The following OIP5 variants were observed in gnomAD, a reference collection of about 807,000 sequenced individuals.
The protein encoded by OIP5 is Opa interacting protein 5.
OIP5 carries 24 observed loss-of-function variants against 20.3 expected under a neutral mutation model. The ratio of observed to expected loss-of-function variants is 1.18; its 90% CI spans 0.86 to 1.66. OIP5 has a LOEUF of 1.66. Among genes scored for constraint, OIP5 ranks in the 40% most tolerant of loss-of-function variants. The pLI is 0.00. For missense variants in OIP5, 339 were observed against 289.5 expected (o/e 1.17, Z -1.24); for synonymous variants, 143 against 121.3 (o/e 1.18, Z -1.17).
rs1173199361 is a variant in OIP5 at position 41,323,303 on chromosome 15, G to C, written c.390-3523C>G. Among the ~76,000 whole-genome samples, 7 of 152,172 alleles carry C rather than the reference G, an allele frequency of 4.6e-5. No homozygotes were observed. In the East Asian group the frequency reaches 7.7e-4, roughly 17 times the overall value. On this transcript the variant is annotated intron_variant, in intron 2 of 4. Coordinates refer to ENST00000220514, the MANE Select transcript of OIP5 (RefSeq NM_007280.2). ...AGTTTGAGAACAGCCTGGTCAACATGGTGAAACTCCGTCTCTACTAAAAAT... is the reference window on the plus strand; with the variant it reads ...AGTTTGAGAACAGCCTGGTCAACATCGTGAAACTCCGTCTCTACTAAAAAT...
At chr15:41,310,623 C>T (rs1184049419) in intron 4 of OIP5, among the ~76,000 whole-genome samples, 3 of 144,198 alleles carry the variant, frequency 2.1e-5, no homozygotes, top group East Asian at 2.0e-4. Flanking sequence ...AGCGAGACTC[C>T]GTCTCAAAAA....
intron 2 of OIP5, among the ~76,000 whole-genome samples, chr15:41,321,239 G>T (rs533755518): frequency 6.7e-6 from 1 of 148,886 alleles, no homozygotes; most frequent in Non-Finnish European, 1.5e-5. Flanking sequence ...CGCCCCGTCC[G>T]GGAGGGAGGT....
rs1470039916 is a variant in OIP5 at position 41,319,791 on chromosome 15, G to T, written c.390-11C>A. The T allele has an allele frequency of 6.3e-7, 1 of 1,592,544 alleles. No individual in the cohort carries two copies. Among genetic ancestry groups the T allele is most frequent in the Admixed American group, 1.8e-5 (1 of 55,470 alleles). ...AAAAGGTTGTAAGTACTAGGGGTGG[G>T]GAAAAACACAATATGGGTAAGAATA... On this transcript the variant is annotated splice_polypyrimidine_tract_variant and intron_variant, in intron 2 of 4. Transcript: ENST00000220514.
At position 41,332,531 on chromosome 15, in the gene OIP5, G is replaced by C. The variant is rs374036062; in HGVS notation, c.31C>G (p.Arg11Gly). 3 of 1,611,418 alleles carry C rather than the reference G, an allele frequency of 1.9e-6. No homozygotes were observed. The highest frequency in any genetic ancestry group is 1.1e-5 in the South Asian group (1 of 90,916). ...TCCCCCCGGGGCGGCGTTGCACAAC[G>C]TGAGCGATGCCGCAGCGGCTGAGCC... is the stretch of plus-strand genomic sequence containing the variant. MAAQPLRHRS[R>G]CATPPRGDFC... The change falls in exon 1 of 5, where the codon CGT becomes GGT. Residue 11 changes from arginine (R) to glycine (G), a missense_variant. By Grantham distance (125) the Arg-to-Gly change is moderately radical. Transcript: ENST00000220514.
intron 2 of OIP5, among the ~76,000 whole-genome samples, chr15:41,331,248 C>T (rs1416081269): frequency 1.3e-5 from 2 of 152,166 alleles, no homozygotes; most frequent in Non-Finnish European, 2.9e-5. Flanking sequence ...ATAGTACAGG[C>T]AGGTCGCAAA....
Position 41,309,758 on chromosome 15 carries a change from T to C in OIP5, c.686A>G (p.Asn229Ser). The change falls in exon 5 of 5, where the codon AAC becomes AGC. Residue 229 changes from asparagine to serine, a missense_variant. Physicochemically the swap from Asn to Ser is conservative, Grantham distance 46 (BLOSUM62 1). Transcript: ENST00000220514. ...EVTPDQSKPE[N>S] Reference sequence around the variant, plus strand: ...CACTCAAGCTTTGGTACAGGATCAGTTTTCTGGCTTGGACTGGTCAGGAGT... The same window carrying C: ...CACTCAAGCTTTGGTACAGGATCAGCTTTCTGGCTTGGACTGGTCAGGAGT... The C allele has an allele frequency of 6.2e-7, 1 of 1,611,038 alleles. No homozygotes were observed. Among genetic ancestry groups the C allele is most frequent in the Non-Finnish European group, 8.5e-7 (1 of 1,177,582 alleles).
rs145267416 is a variant in OIP5, at chr15:41,332,466, A to G, written c.96T>C (p.Ser32=). 1.9e-6 allele frequency: 3 copies of G among 1,613,964 alleles called. No individual in the cohort carries two copies. In the African/African-American group the frequency reaches 4.0e-5, roughly 22 times the overall value. ...GGTERAIDQA[S]FTTSMEWDTQ... The stretch of plus-strand genomic sequence containing the variant: ...TATCCCACTCCATGGAGGTCGTAAA[A>G]GAAGCTTGGTCAATCGCCCTCTCAG... The change falls in exon 1 of 5, where the codon TCT becomes TCC. Residue 32 remains serine (S), a synonymous_variant. Transcript: ENST00000220514.
chr15:41,330,126 C>T (rs1311791973), intron 2 of OIP5, among the ~76,000 whole-genome samples: 2 of 150,566 alleles, frequency 1.3e-5, no homozygotes, highest in Non-Finnish European at 3.0e-5. Flanking sequence ...GTTTCGCTCT[C>T]GTTGCCCAGG....
chr15:41,313,171 T>C (rs1732814231), intron 4 of OIP5, 102 bp downstream of exon 4: 2 of 736,382 alleles, frequency 2.7e-6, no homozygotes, highest in African/African-American at 1.8e-5. Context: ...GTAAAAAGGA[T>C]TATTGAGCAT....
chr15:41,318,943 TCCTCCCACCTTGG>T (rs2140461499), intron 3 of OIP5, among the ~76,000 whole-genome samples: 1 of 151,750 alleles, frequency 6.6e-6, no homozygotes, highest in Non-Finnish European at 1.5e-5. Context: ...CCTCAAGCAG[TCCTCCCACCTTGG>T]CCTCACAAAG....
rs1160602429 is a variant in OIP5 at position 41,319,720 on chromosome 15, A to G, written c.450T>C (p.Ser150=). The G allele has an allele frequency of 2.5e-6, 4 of 1,613,922 alleles. No individual in the cohort carries two copies. The South Asian group carries it at 3.3e-5, about 13-fold the overall frequency. ...TCAAGGCAGCCAGGGCAGCATGGGT[A>G]GAATACAGATGGAAACCAACGGGAA... The part of the protein sequence containing the change: ...CGIPVGFHLY[S]THAALAALRG... The change falls in exon 3 of 5, where the codon TCT becomes TCC. Residue 150 remains serine (S), a synonymous_variant. Transcript: ENST00000220514.
chr15:41,317,524 C>T (rs957503958), intron 3 of OIP5, among the ~76,000 whole-genome samples: 3 of 152,062 alleles, frequency 2.0e-5, no homozygotes, highest in Non-Finnish European at 4.4e-5. Context: ...GGATTACAGG[C>T]ATGCGCCACC....
intron 2 of OIP5, among the ~76,000 whole-genome samples, chr15:41,327,711 C>T (rs1008405424): frequency 6.6e-6 from 1 of 151,992 alleles, no homozygotes; most frequent in Non-Finnish European, 1.5e-5. Flanking sequence ...TCACTTGAAC[C>T]CGGGAGGCGG....
At chr15:41,325,443 T>G (rs1352284143) in intron 2 of OIP5, among the ~76,000 whole-genome samples, 2 of 151,642 alleles carry the variant, frequency 1.3e-5, no homozygotes, top group African/African-American at 2.4e-5. Context: ...CTGCCAGAAT[T>G]ACCAACATGT....
chr15:41,318,846 C>T (rs1347150447), intron 3 of OIP5, among the ~76,000 whole-genome samples: 5 of 150,888 alleles, frequency 3.3e-5, no homozygotes, highest in South Asian at 4.2e-4. Flanking sequence ...AGGGGCACGC[C>T]GCCACATCCA....
At position 41,319,721 on chromosome 15, in the gene OIP5, GA is replaced by G; in HGVS notation, c.448del (p.Ser150LeufsTer9). 6.2e-7 allele frequency: 1 copy of G among 1,613,770 alleles called. No homozygotes were observed. ...CAAGGCAGCCAGGGCAGCATGGGTA[GA>G]ATACAGATGGAAACCAACGGGAATC... is the stretch of plus-strand genomic sequence containing the variant. ...CGIPVGFHLY[S>X]THAALAALRG... On this transcript the variant is annotated frameshift_variant, in exon 3 of 5. Transcript: ENST00000220514. LOFTEE classifies it high-confidence loss of function.
At chr15:41,310,351 G>GCCA in intron 4 of OIP5, among the ~76,000 whole-genome samples, 1 of 152,316 alleles carries the variant, frequency 6.6e-6, no homozygotes, top group East Asian at 1.9e-4. Context: ...ATGTGGCCAG[G>GCCA]CGCAGTGGCT....
chr15:41,322,942 GA>G (rs893276775), intron 2 of OIP5, among the ~76,000 whole-genome samples: 328 of 134,530 alleles, frequency 2.4e-3, no homozygotes, highest in African/African-American at 7.3e-3. Flanking sequence ...TCTTAAAAAA[GA>G]AAAAAAAAAA....
At chr15:41,318,208 G>A (rs181118321) in intron 3 of OIP5, among the ~76,000 whole-genome samples, 45 of 152,124 alleles carry the variant, frequency 3.0e-4, no homozygotes, top group Admixed American at 2.6e-3. Flanking sequence ...TGTCACCCAG[G>A]CTGAAGTGCA....
Sources: gnomAD v4.1 joint callset for allele counts (sites outside exome capture counted in the v4.1 genomes callset) on GRCh38, gnomAD v4.1.1 for gene constraint, MANE v1.5 for transcripts, NCBI Gene and HGNC (gene_info 2026-07-23, HGNC 2026-07-21) for gene names.